Variants in KIAA1217 observed in about 807,000 individuals in gnomAD.
KIAA1217 encodes the protein sickle tail protein homolog.
Under a neutral mutation model 163.9 loss-of-function variants are expected in KIAA1217, and 88 were observed. The observed-to-expected ratio is 0.54, with a 90% CI of 0.45 to 0.64. KIAA1217 has a LOEUF of 0.64. KIAA1217 is among the 30% of genes least tolerant of loss of function. The probability of loss-of-function intolerance (pLI) is 0.00; values close to 1 mark genes in which losing one functional copy is unlikely to be tolerated. For synonymous variants in KIAA1217, 903 were observed against 923.1 expected (o/e 0.98, Z 0.39); for missense variants, 2,372 against 2,475.0 (o/e 0.96, Z 0.88).
At chr10:24,508,502 G>A (rs1486396847) in intron 9 of KIAA1217, among the ~76,000 whole-genome samples, 1 of 152,148 alleles carries the variant, frequency 6.6e-6, no homozygotes, top group Non-Finnish European at 1.5e-5. Flanking sequence ...AGTATGGCTA[G>A]AGAAAGAAAT....
At chr10:24,530,177 G>A (rs927482254) in intron 14 of KIAA1217, among the ~76,000 whole-genome samples, 5 of 152,038 alleles carry the variant, frequency 3.3e-5, no homozygotes, top group Admixed American at 6.6e-5. Context: ...TTTTATATAG[G>A]TCTCATAACT....
At chr10:24,238,869 GT>G (rs1274095785) in intron 2 of KIAA1217, among the ~76,000 whole-genome samples, 1 of 152,122 alleles carries the variant, frequency 6.6e-6, no homozygotes, top group Admixed American at 6.6e-5. Flanking sequence ...TTTGATCATT[GT>G]TTTTTGCAAA....
intron 2 of KIAA1217, among the ~76,000 whole-genome samples, chr10:24,164,147 G>C (rs187671641): frequency 6.6e-6 from 1 of 152,148 alleles, no homozygotes; most frequent in Non-Finnish European, 1.5e-5. Context: ...TAAGGACAGG[G>C]GACAACCTCT....
At chr10:24,121,682 T>G (rs910884517) in intron 2 of KIAA1217, among the ~76,000 whole-genome samples, 4 of 152,212 alleles carry the variant, frequency 2.6e-5, no homozygotes, top group African/African-American at 9.6e-5. Flanking sequence ...TAGATGATTT[T>G]TCAGCAAAAT....
chr10:24,091,753 A>C (rs1037203965), intron 2 of KIAA1217, among the ~76,000 whole-genome samples: 1 of 151,824 alleles, frequency 6.6e-6, no homozygotes, highest in Non-Finnish European at 1.5e-5. Context: ...CAAATGCTTC[A>C]CCGCTGCTAG....
At chr10:23,945,236 A>G (rs1843968330) in intron 1 of KIAA1217, among the ~76,000 whole-genome samples, 1 of 152,178 alleles carries the variant, frequency 6.6e-6, no homozygotes, top group Non-Finnish European at 1.5e-5. Context: ...TGAAATTTTC[A>G]TCAGTGGGAG....
chr10:24,334,205 G>T (rs757263990), intron 2 of KIAA1217, among the ~76,000 whole-genome samples: 4 of 152,128 alleles, frequency 2.6e-5, no homozygotes, highest in African/African-American at 4.8e-5. Context: ...TATGCATCAA[G>T]ATTAGTATTA....
intron 3 of KIAA1217, among the ~76,000 whole-genome samples, chr10:24,408,296 G>GA (rs1247909834): frequency 3.9e-5 from 6 of 152,118 alleles, no homozygotes; most frequent in Admixed American, 6.5e-5. Flanking sequence ...ACCAATGTGG[G>GA]AAAATAAATC....
At chr10:23,754,049 CT>C (rs1334211520) in intron 1 of KIAA1217, among the ~76,000 whole-genome samples, 2 of 152,150 alleles carry the variant, frequency 1.3e-5, no homozygotes, top group African/African-American at 4.8e-5. Flanking sequence ...TTGATTCCCC[CT>C]GTACGCTATT....
chr10:23,716,215 A>C (rs186969123), intron 1 of KIAA1217, among the ~76,000 whole-genome samples: 155 of 152,274 alleles, frequency 1.0e-3, no homozygotes, highest in Non-Finnish European at 1.9e-3. Context: ...GGGCATCTGG[A>C]AAGTTTCTCT....
Position 24,546,938 on chromosome 10 carries a change from C to T in KIAA1217, c.*614C>T, listed in dbSNP as rs776918071. Reference sequence around the variant, plus strand: ...CTTCTACATGAGCCCTACAGACAGGCATGTGTAGAAGGCAATTTATCAAAC... The same window carrying T: ...CTTCTACATGAGCCCTACAGACAGGTATGTGTAGAAGGCAATTTATCAAAC... On this transcript the variant is annotated 3_prime_UTR_variant, in exon 21 of 21. Transcript: ENST00000376454. 4.6e-5 allele frequency: 7 copies of T among 152,488 alleles called. No individual in the cohort carries two copies. Among genetic ancestry groups the T allele is most frequent in the Non-Finnish European group, 1.0e-4 (7 of 68,036 alleles). 9.4% of individuals were successfully genotyped at this position (152,488 alleles called of 1,614,324 possible). A position where few individuals can be genotyped will look rare whatever the true frequency, so the allele number is the denominator to read the frequency against.
intron 2 of KIAA1217, among the ~76,000 whole-genome samples, chr10:24,268,895 T>C (rs1465107045): frequency 7.0e-6 from 1 of 142,744 alleles, no homozygotes; most frequent in Non-Finnish European, 1.5e-5. Flanking sequence ...AATGATGAGT[T>C]CATGTCCTTT....
chr10:24,001,069 A>C (rs1846722093), intron 1 of KIAA1217, among the ~76,000 whole-genome samples: 2 of 149,226 alleles, frequency 1.3e-5, no homozygotes, highest in African/African-American at 4.9e-5. Context: ...CTGCAAAGTA[A>C]ACACACACAC....
intron 3 of KIAA1217, among the ~76,000 whole-genome samples, chr10:24,426,091 G>T (rs1035233396): frequency 4.6e-5 from 7 of 152,168 alleles, no homozygotes; most frequent in African/African-American, 1.7e-4. Context: ...AGAAACTGAG[G>T]CATTTAGTTT....
At chr10:23,749,153 CA>C (rs11349718) in intron 1 of KIAA1217, among the ~76,000 whole-genome samples, 12,188 of 152,222 alleles carry the variant, frequency 0.08, 950 homozygotes, top group African/African-American at 0.2. Context: ...TGATTCAATC[CA>C]ATCAAGCATT....
Position 24,521,938 on chromosome 10 carries a change from G to GC in KIAA1217, c.2456+12dup. On this transcript the variant is annotated intron_variant, in intron 12 of 20. Coordinates refer to ENST00000376454, the MANE Select transcript of KIAA1217 (RefSeq NM_019590.5). ...CTGACCATGCTGCGGAGGTGACCGGGCCCTCATCGTGCTGGGGGTGGCCTG... is the reference window on the plus strand; with the variant it reads ...CTGACCATGCTGCGGAGGTGACCGGGCCCCTCATCGTGCTGGGGGTGGCCTG... 6.2e-7 allele frequency: 1 copy of GC among 1,601,686 alleles called. No homozygotes were observed. The highest frequency in any genetic ancestry group is 8.5e-7 in the Non-Finnish European group (1 of 1,173,234).
intron 2 of KIAA1217, among the ~76,000 whole-genome samples, chr10:24,258,586 CT>C (rs34467674): frequency 1.8e-3 from 254 of 138,226 alleles, no homozygotes; most frequent in South Asian, 2.3e-3. Flanking sequence ...GGGCTTACTT[CT>C]TTTTTTTTTT....
intron 2 of KIAA1217, among the ~76,000 whole-genome samples, chr10:24,261,355 G>C (rs1160627200): frequency 6.6e-6 from 1 of 152,008 alleles, no homozygotes; most frequent in Non-Finnish European, 1.5e-5. Flanking sequence ...AAATTAGCTG[G>C]ACCTAGTGGT....
intron 1 of KIAA1217, among the ~76,000 whole-genome samples, chr10:23,921,592 GC>G (rs1842849001): frequency 6.6e-6 from 1 of 152,106 alleles, no homozygotes; most frequent in Admixed American, 6.6e-5. Context: ...GGCTCAAATA[GC>G]CTCTGTTCAA....
Sources: gnomAD v4.1 joint callset for allele counts (sites outside exome capture counted in the v4.1 genomes callset) on GRCh38, gnomAD v4.1.1 for gene constraint, MANE v1.5 for transcripts, NCBI Gene and HGNC (gene_info 2026-07-23, HGNC 2026-07-21) for gene names.